The following EFR3A variants were observed in gnomAD, a reference collection of about 807,000 sequenced individuals.
The protein encoded by EFR3A is EFR3 homolog A, also known as protein EFR3 homolog A.
EFR3A carries 76 observed loss-of-function variants against 104.4 expected under a neutral mutation model. That is an observed-to-expected ratio of 0.73 (90% CI 0.60 to 0.88). The LOEUF (loss-of-function observed/expected upper bound fraction) is 0.88, where lower values mean the gene tolerates loss of function less well. Ranked by LOEUF, EFR3A falls within the 40% of genes least tolerant of loss-of-function variation. The pLI, the probability that EFR3A is intolerant of heterozygous loss-of-function variation, is 0.00. For missense variants in EFR3A, 985 were observed against 1,012.5 expected, an observed-to-expected ratio of 0.97 and a Z score of 0.37; for synonymous variants, 330 against 330.0, an observed-to-expected ratio of 1.00 and a Z score of 0.00.
intron 14 of EFR3A, among the ~76,000 whole-genome samples, chr8:131,982,270 C>T (rs973377250): frequency 6.6e-6 from 1 of 152,070 alleles, no homozygotes; most frequent in Non-Finnish European, 1.5e-5. Context: ...AGGAACCATA[C>T]ATTGTGTATT....
chr8:131,904,301 G>T lies in EFR3A; in HGVS notation c.-12G>T. ...GAGCCTCGGTGCGGCGGCGAGCGCG[G>T]TCGAGATCGCCATGCCTACCCGTGA... On this transcript the variant is annotated 5_prime_UTR_variant, in exon 1 of 23. Transcript: ENST00000254624. 7.9e-7 allele frequency: 1 copy of T among 1,266,414 alleles called. No individual in the cohort carries two copies. Among genetic ancestry groups the T allele is most frequent in the Non-Finnish European group, 9.9e-7 (1 of 1,005,130 alleles). The allele number at this position is 1,266,414 out of a possible 1,614,324, so 78.4% of individuals were successfully genotyped here.
At chr8:131,951,758 A>G (rs1818715000) in intron 5 of EFR3A, among the ~76,000 whole-genome samples, 1 of 152,142 alleles carries the variant, frequency 6.6e-6, no homozygotes, top group South Asian at 2.1e-4. Context: ...TTCCAATATT[A>G]TATCATATTT....
Position 131,922,412 on chromosome 8 carries a change from A to AT in EFR3A, c.11-18080dup, listed in dbSNP as rs1001316765. Among the ~76,000 whole-genome samples the AT allele has an allele frequency of 9.1e-4, 139 of 152,196 alleles. 1 individual carries two copies. Among genetic ancestry groups the AT allele is most frequent in the African/African-American group, 2.9e-3 (122 of 41,524 alleles). On this transcript the variant is annotated intron_variant, in intron 1 of 22. Transcript: ENST00000254624. ...CTCTTTGGAGCAATTTGAATGTCAG[A>AT]TTTTTTTATTAGGGATACTCAACTA...
chr8:131,983,866 A>G (rs529220684), intron 14 of EFR3A, among the ~76,000 whole-genome samples: 2 of 152,330 alleles, frequency 1.3e-5, no homozygotes, highest in African/African-American at 4.8e-5. Context: ...TCAAATTACT[A>G]TTAAAAAACA....
intron 18 of EFR3A, 39 bp from the exon 19 acceptor site, chr8:131,996,367 T>A: frequency 1.6e-6 from 2 of 1,264,870 alleles, no homozygotes; most frequent in African/African-American, 1.5e-5. Context: ...CAACATAACA[T>A]TTCTAGCAAA....
In EFR3A at chr8:131,933,185, AT is replaced by A. The variant is rs528272217; in HGVS notation, c.11-7309del. Among the ~76,000 whole-genome samples, 187 of 152,194 alleles carry A rather than the reference AT, an allele frequency of 1.2e-3. 2 individuals carry two copies. The highest frequency in any genetic ancestry group is 8.5e-3 in the South Asian group (41 of 4,828). On this transcript the variant is annotated intron_variant, in intron 1 of 22. Transcript: ENST00000254624. The stretch of plus-strand genomic sequence containing the variant: ...GGAATCACATACTGTTTCAGTTTTT[AT>A]TTTTGCATCATTTGATTACTTACCT...
At chr8:131,946,009 G>A (rs1818420032) in intron 3 of EFR3A, among the ~76,000 whole-genome samples, 1 of 151,982 alleles carries the variant, frequency 6.6e-6, no homozygotes, top group Non-Finnish European at 1.5e-5. Context: ...AGTACAAGAT[G>A]TAAAATCTGA....
At chr8:131,969,524 GTTTT>G (rs112899303) in intron 9 of EFR3A, among the ~76,000 whole-genome samples, 1 of 135,470 alleles carries the variant, frequency 7.4e-6, no homozygotes, top group African/African-American at 2.7e-5. Context: ...ATTTGTGTGT[GTTTT>G]TTTTTTTTAT....
At chr8:132,004,113 A>G (rs1456668411) in intron 22 of EFR3A, among the ~76,000 whole-genome samples, 1 of 152,132 alleles carries the variant, frequency 6.6e-6, no homozygotes. Flanking sequence ...AGCAAGGCAC[A>G]TTTTTGTCAT....
chr8:131,907,740 T>C (rs1816322460), intron 1 of EFR3A, among the ~76,000 whole-genome samples: 1 of 152,172 alleles, frequency 6.6e-6, no homozygotes, highest in African/African-American at 2.4e-5. Context: ...TATTAGCCTT[T>C]TGTGTTCATT....
intron 1 of EFR3A, chr8:131,924,037 CTT>C: frequency 3.9e-6 from 1 of 255,402 alleles, no homozygotes; most frequent in Non-Finnish European, 8.9e-6. Flanking sequence ...GTCCCTGATA[CTT>C]ACTGTAATTG....
intron 4 of EFR3A, among the ~76,000 whole-genome samples, chr8:131,947,193 C>CT (rs990398862): frequency 6.6e-5 from 10 of 151,876 alleles, no homozygotes; most frequent in Non-Finnish European, 8.8e-5. Flanking sequence ...TATTGTCTAT[C>CT]TTTTTTTATT....
intron 2 of EFR3A, among the ~76,000 whole-genome samples, chr8:131,942,765 A>C (rs1318561558): frequency 6.6e-6 from 1 of 152,094 alleles, no homozygotes; most frequent in Non-Finnish European, 1.5e-5. Context: ...GGTGCAACAC[A>C]GTATTGGAGG....
At chr8:131,922,334 A>G (rs1375825143) in intron 1 of EFR3A, among the ~76,000 whole-genome samples, 2 of 152,100 alleles carry the variant, frequency 1.3e-5, no homozygotes, top group Admixed American at 6.6e-5. Flanking sequence ...AAAATCTAAA[A>G]TGCCCCCAAA....
intron 1 of EFR3A, among the ~76,000 whole-genome samples, chr8:131,934,681 T>C (rs1817787831): frequency 1.3e-5 from 2 of 151,594 alleles, no homozygotes; most frequent in African/African-American, 2.4e-5. Context: ...ATATAATACG[T>C]GTGTGTGTGT....
At chr8:131,907,811 G>T (rs1816326016) in intron 1 of EFR3A, among the ~76,000 whole-genome samples, 4 of 141,626 alleles carry the variant, frequency 2.8e-5, no homozygotes, top group South Asian at 2.3e-4. Context: ...TTGTCCCTTT[G>T]CTTCCTTCTC....
intron 10 of EFR3A, among the ~76,000 whole-genome samples, chr8:131,972,936 T>C (rs1820148532): frequency 6.6e-6 from 1 of 151,740 alleles, no homozygotes; most frequent in South Asian, 2.1e-4. Context: ...ACACCACCTA[T>C]TTATTTATTG....
rs533293437 is a variant in EFR3A, at chr8:131,976,981, A to G, written c.1275-60A>G. The G allele has an allele frequency of 2.5e-4, 292 of 1,145,190 alleles. 3 individuals are homozygous for G. In the East Asian group the frequency reaches 7.3e-3, roughly 29 times the overall value. 70.9% of individuals were successfully genotyped at this position (1,145,190 alleles called of 1,614,324 possible). On this transcript the variant is annotated intron_variant, in intron 11 of 22. Coordinates refer to ENST00000254624, the MANE Select transcript of EFR3A (RefSeq NM_015137.6). ...ATAGAATTTTAAAATCAGTAATTGAAGTAAATGAAGTAATATAAATGCTAA... is the reference window on the plus strand; with the variant it reads ...ATAGAATTTTAAAATCAGTAATTGAGGTAAATGAAGTAATATAAATGCTAA...
rs772717549 is a variant in EFR3A at position 131,977,108 on chromosome 8, CAAAT to C, written c.1326+20_1326+23del. ...TTTGCTTATGGTAAGGCATTTAAGA[CAAAT>C]AAAGGACACACTTAACCTTAAATTA... On this transcript the variant is annotated intron_variant, in intron 12 of 22. Transcript: ENST00000254624. 5.1e-6 allele frequency: 8 copies of C among 1,576,834 alleles called. No homozygotes were observed. The highest frequency in any genetic ancestry group is 3.5e-5 in the Admixed American group (2 of 57,332).
Sources: allele counts gnomAD v4.1 joint callset (sites outside exome capture counted in the v4.1 genomes callset), GRCh38; gene constraint gnomAD v4.1.1; transcripts MANE v1.5; gene names NCBI Gene and HGNC (gene_info 2026-07-23, HGNC 2026-07-21).